The following SPG11 variants were observed in gnomAD, a reference collection of about 807,000 sequenced individuals.
SPG11 encodes spatacsin.
In SPG11, 222 loss-of-function variants were observed where a neutral mutation model predicts 274.0. The ratio of observed to expected loss-of-function variants is 0.81; its 90% CI spans 0.73 to 0.91. The LOEUF (loss-of-function observed/expected upper bound fraction) is 0.91, where lower values mean the gene tolerates loss of function less well. Among genes scored for constraint, SPG11 ranks in the 40% least tolerant of loss-of-function variants. SPG11 has a pLI of 0.00. For synonymous variants in SPG11, 1,144 were observed against 1,039.7 expected, an observed-to-expected ratio of 1.10 and a Z score of -1.93; for missense variants, 3,114 against 2,872.7, an observed-to-expected ratio of 1.08 and a Z score of -1.92.
chr15:44,618,300 A>C (rs1340463823), intron 15 of SPG11, among the ~76,000 whole-genome samples: 1 of 151,350 alleles, frequency 6.6e-6, no homozygotes, highest in Non-Finnish European at 1.5e-5. Context: ...CGAGGTCAGG[A>C]GATTGAGACC....
chr15:44,603,626 T>C (rs1259334183), intron 20 of SPG11, among the ~76,000 whole-genome samples: 1 of 152,210 alleles, frequency 6.6e-6, no homozygotes, highest in Non-Finnish European at 1.5e-5. Context: ...TCAGAAGATA[T>C]TTTGATATGA....
chr15:44,582,461 T>A (rs915422886), intron 30 of SPG11, among the ~76,000 whole-genome samples: 1 of 152,182 alleles, frequency 6.6e-6, no homozygotes, highest in Admixed American at 6.5e-5. Flanking sequence ...GGCAGGCGAA[T>A]CACTTGAACC....
chr15:44,630,133 T>G (rs2084016086), intron 8 of SPG11, among the ~76,000 whole-genome samples: 1 of 152,248 alleles, frequency 6.6e-6, no homozygotes, highest in Non-Finnish European at 1.5e-5. Context: ...TATTCTGTGC[T>G]AAACATTCAA....
At chr15:44,609,964 G>A (rs369904263) in intron 18 of SPG11, among the ~76,000 whole-genome samples, 56 of 145,584 alleles carry the variant, frequency 3.8e-4, no homozygotes, top group South Asian at 4.4e-4. Flanking sequence ...GTACACTGGC[G>A]CGATCTCAGC....
Position 44,633,495 on chromosome 15 carries a change from T to C in SPG11, c.1735+10A>G, listed in dbSNP as rs758041585. The C allele has an allele frequency of 1.3e-6, 2 of 1,577,664 alleles. No homozygotes were observed. The highest frequency in any genetic ancestry group is 1.7e-6 in the Non-Finnish European group (2 of 1,151,284). ...ATAAATACAAATGTAGAAATCTTTATTCCACTTACTTCTTAAATATAAATG... is the reference window on the plus strand; with the variant it reads ...ATAAATACAAATGTAGAAATCTTTACTCCACTTACTTCTTAAATATAAATG... On this transcript the variant is annotated intron_variant, in intron 8 of 39. Coordinates refer to ENST00000261866, the MANE Select transcript of SPG11 (RefSeq NM_025137.4).
chr15:44,649,030 T>C lies in SPG11; in HGVS notation c.1457-19A>G, dbSNP rs1370603799. 19 of 1,602,386 alleles carry C rather than the reference T, an allele frequency of 1.2e-5. No individual in the cohort carries two copies. Among genetic ancestry groups the C allele is most frequent in the Non-Finnish European group, 1.6e-5 (19 of 1,169,694 alleles). On this transcript the variant is annotated intron_variant, in intron 6 of 39. Coordinates refer to ENST00000261866, the MANE Select transcript of SPG11 (RefSeq NM_025137.4). The stretch of plus-strand genomic sequence containing the variant: ...CCATTCTCTATAGGAAAAATAAAAG[T>C]TAGCTTTAACAAATTAGATTAGATT...
chr15:44,630,329 C>T (rs1381154605), intron 8 of SPG11, among the ~76,000 whole-genome samples: 1 of 152,178 alleles, frequency 6.6e-6, no homozygotes, highest in Admixed American at 6.5e-5. Context: ...CAGTGCTTCT[C>T]ATTCAGGTCC....
intron 1 of SPG11, among the ~76,000 whole-genome samples, chr15:44,661,255 G>A (rs774498345): frequency 3.9e-5 from 6 of 152,142 alleles, no homozygotes; most frequent in South Asian, 2.1e-4. Context: ...GTAGAGTTAC[G>A]GAATTCTTAA....
At position 44,562,971 on chromosome 15, in the gene SPG11, T is replaced by G. The variant is rs1269344750; in HGVS notation, c.*150A>C. 3 of 692,722 alleles carry G rather than the reference T, an allele frequency of 4.3e-6. No individual in the cohort carries two copies. The highest frequency in any genetic ancestry group is 7.3e-6 in the Non-Finnish European group (3 of 411,172). The allele number at this position is 692,722 out of a possible 1,614,324, so 42.9% of individuals were successfully genotyped here. On this transcript the variant is annotated 3_prime_UTR_variant, in exon 40 of 40. Coordinates refer to ENST00000261866, the MANE Select transcript of SPG11 (RefSeq NM_025137.4). The stretch of plus-strand genomic sequence containing the variant: ...AATAGGAATTTCCTCCTGAAAAGTT[T>G]CTTACTTGCTACCTACTACCCACAA...
At chr15:44,660,854 G>A (rs564074671) in intron 1 of SPG11, among the ~76,000 whole-genome samples, 1 of 152,126 alleles carries the variant, frequency 6.6e-6, no homozygotes, top group Non-Finnish European at 1.5e-5. Flanking sequence ...GTGGGGCTCA[G>A]AGCAAGAAAT....
chr15:44,637,958 T>C (rs1345973220), intron 7 of SPG11, among the ~76,000 whole-genome samples: 2 of 152,180 alleles, frequency 1.3e-5, no homozygotes, highest in African/African-American at 2.4e-5. Context: ...GTGATATCGA[T>C]GATCCTAGGC....
intron 9 of SPG11, 28 bp downstream of exon 9, chr15:44,629,205 T>C (rs1034407601): frequency 2.5e-6 from 4 of 1,611,944 alleles, no homozygotes; most frequent in South Asian, 1.1e-5. Context: ...AACAGTAGAA[T>C]TGCCCCCTTC....
At chr15:44,642,395 A>G (rs1262084871) in intron 7 of SPG11, among the ~76,000 whole-genome samples, 4 of 149,312 alleles carry the variant, frequency 2.7e-5, no homozygotes, top group Non-Finnish European at 5.9e-5. Flanking sequence ...AAAAAGAAAG[A>G]AAGGAAAGAA....
At chr15:44,652,011 C>T (rs942098973) in intron 5 of SPG11, 72 bp from the exon 6 acceptor site, 37 of 1,559,094 alleles carry the variant, frequency 2.4e-5, no homozygotes, top group Non-Finnish European at 1.7e-5. Flanking sequence ...TAAACCAGGG[C>T]AAAGATGTTC....
At chr15:44,651,351 C>T (rs2084769238) in intron 6 of SPG11, 140 bp downstream of exon 6, 9 of 740,304 alleles carry the variant, frequency 1.2e-5, no homozygotes, top group Admixed American at 2.5e-5. Flanking sequence ...GACACTATTA[C>T]CAAGAATAAC....
At chr15:44,645,992 G>A (rs905308665) in intron 7 of SPG11, among the ~76,000 whole-genome samples, 1 of 152,146 alleles carries the variant, frequency 6.6e-6, no homozygotes, top group Non-Finnish European at 1.5e-5. Context: ...AGGTGCTAGC[G>A]AGGTTGCAGA....
intron 1 of SPG11, among the ~76,000 whole-genome samples, chr15:44,661,616 GT>G (rs1566836265): frequency 6.6e-6 from 1 of 151,254 alleles, no homozygotes; most frequent in African/African-American, 2.4e-5. Flanking sequence ...TCCTTATTAG[GT>G]AAAAAAAAGA....
rs118054555 is a variant in SPG11 at position 44,613,261 on chromosome 15, C to G, written c.3145+169G>C. Among the ~76,000 whole-genome samples the G allele has an allele frequency of 9.9e-3, 1,513 of 152,292 alleles. 11 individuals are homozygous for G. Among genetic ancestry groups the G allele is most frequent in the Non-Finnish European group, 0.017 (1,156 of 68,020 alleles). On this transcript the variant is annotated intron_variant, in intron 17 of 39. Transcript: ENST00000261866. ...TTTTCTTGGCTGGCTGATGGCTAAC[C>G]TTTTTGGCCTTCCTTCTGCTTCTTA...
chr15:44,625,319 C>CT (rs1446669731), intron 11 of SPG11, among the ~76,000 whole-genome samples: 1 of 152,066 alleles, frequency 6.6e-6, no homozygotes, highest in Non-Finnish European at 1.5e-5. Context: ...TACAGGTGTG[C>CT]TATGGTTTGG....
Sources: allele counts gnomAD v4.1 joint callset (sites outside exome capture counted in the v4.1 genomes callset), GRCh38; gene constraint gnomAD v4.1.1; transcripts MANE v1.5; gene names NCBI Gene and HGNC (gene_info 2026-07-23, HGNC 2026-07-21).